AGTPBP1: variants seen among roughly 807,000 people sequenced by gnomAD.
AGTPBP1 encodes the protein cytosolic carboxypeptidase 1.
A neutral mutation model predicts 143.9 loss-of-function variants in AGTPBP1; 70 were observed. That is an observed-to-expected ratio of 0.49 (90% CI 0.40 to 0.59). AGTPBP1 has a LOEUF of 0.59. Ranked by LOEUF, AGTPBP1 falls within the 20% of genes least tolerant of loss-of-function variation. The pLI is 0.00. For missense variants in AGTPBP1, 1,229 were observed against 1,464.5 expected, an observed-to-expected ratio of 0.84 and a Z score of 2.62; for synonymous variants, 463 against 500.2, an observed-to-expected ratio of 0.93 and a Z score of 0.99.
chr9:85,684,866 A>G (rs1013572089), intron 3 of AGTPBP1, among the ~76,000 whole-genome samples: 15 of 152,082 alleles, frequency 9.9e-5, no homozygotes, highest in Non-Finnish European at 1.8e-4. Flanking sequence ...TAAAGCAGCT[A>G]TTATAATAAA....
chr9:85,643,102 CTTA>C, intron 12 of AGTPBP1, 159 bp from the exon 13 acceptor site: 2 of 595,668 alleles, frequency 3.4e-6, no homozygotes, highest in Non-Finnish European at 5.7e-6. Context: ...TTCAAATTTG[CTTA>C]TTGTTTTGGG....
chr9:85,561,727 G>C (rs1052602079), intron 25 of AGTPBP1, among the ~76,000 whole-genome samples: 1 of 151,906 alleles, frequency 6.6e-6, no homozygotes, highest in Admixed American at 6.6e-5. Context: ...AATACTCATA[G>C]TATCTGAAAG....
At chr9:85,584,906 A>G (rs1356855276) in intron 23 of AGTPBP1, among the ~76,000 whole-genome samples, 1 of 152,234 alleles carries the variant, frequency 6.6e-6, no homozygotes. Context: ...ACATATTATT[A>G]TAATAATTCT....
Position 85,658,915 on chromosome 9 carries a change from T to A in AGTPBP1, c.701-1272A>T, listed in dbSNP as rs2133963382. On this transcript the variant is annotated intron_variant, in intron 9 of 25. Transcript: ENST00000357081. ...TCCATTGTTTTGACCAAGAAAAGCTTCATACATTTTAAATGAATATACACT... is the reference window on the plus strand; with the variant it reads ...TCCATTGTTTTGACCAAGAAAAGCTACATACATTTTAAATGAATATACACT... Among the ~76,000 whole-genome samples the A allele has an allele frequency of 4.6e-5, 7 of 152,256 alleles. 1 individual carries two copies. The Middle Eastern group carries it at 0.024, about 518-fold the overall frequency.
the AGTPBP1 span, among the ~76,000 whole-genome samples, chr9:85,789,129 G>T: frequency 6.6e-6 from 1 of 152,002 alleles, no homozygotes; most frequent in Non-Finnish European, 1.5e-5. Context: ...AATAACAAAG[G>T]TATGGTGTTT....
At chr9:85,585,430 T>C in intron 23 of AGTPBP1, 33 bp downstream of exon 23, 2 of 1,515,228 alleles carry the variant, frequency 1.3e-6, no homozygotes, top group Non-Finnish European at 1.8e-6. Context: ...ATGTTTGAAA[T>C]TCAAAAACTT....
At chr9:85,612,538 G>A (rs986938684) in intron 17 of AGTPBP1, among the ~76,000 whole-genome samples, 10 of 152,110 alleles carry the variant, frequency 6.6e-5, no homozygotes, top group Non-Finnish European at 1.3e-4. Context: ...ACTGTGAATC[G>A]TAATTCAGTG....
chr9:85,637,872 T>G (rs1164672269), intron 13 of AGTPBP1, among the ~76,000 whole-genome samples: 1 of 152,166 alleles, frequency 6.6e-6, no homozygotes, highest in Non-Finnish European at 1.5e-5. Flanking sequence ...AAAGACACTT[T>G]CGGGGAGGGA....
intron 2 of AGTPBP1, among the ~76,000 whole-genome samples, chr9:85,694,358 C>G (rs1257391280): frequency 6.6e-6 from 1 of 152,038 alleles, no homozygotes; most frequent in Non-Finnish European, 1.5e-5. Context: ...GATCTAGGAG[C>G]TCCTACCAGC....
intron 25 of AGTPBP1, among the ~76,000 whole-genome samples, chr9:85,555,903 GACTA>G (rs1390443157): frequency 5.3e-5 from 8 of 152,274 alleles, no homozygotes; most frequent in African/African-American, 1.4e-4. Context: ...AAGTGAATGT[GACTA>G]ACTAAAACAT....
the AGTPBP1 span, among the ~76,000 whole-genome samples, chr9:85,790,537 T>C: frequency 6.6e-6 from 1 of 152,156 alleles, no homozygotes; most frequent in Non-Finnish European, 1.5e-5. Flanking sequence ...TGGAGGTAAT[T>C]AGAACAAAGG....
At chr9:85,680,505 A>T (rs941735814) in intron 4 of AGTPBP1, among the ~76,000 whole-genome samples, 1 of 151,558 alleles carries the variant, frequency 6.6e-6, no homozygotes, top group Non-Finnish European at 1.5e-5. Context: ...AATCACTCAA[A>T]CCTGGGAGAT....
chr9:85,602,863 C>T (rs1829754847), intron 17 of AGTPBP1, among the ~76,000 whole-genome samples: 1 of 152,172 alleles, frequency 6.6e-6, no homozygotes, highest in South Asian at 2.1e-4. Flanking sequence ...AGAGAACATG[C>T]AGTGACTGTG....
the AGTPBP1 span, among the ~76,000 whole-genome samples, chr9:85,789,668 T>C: frequency 2.1e-4 from 32 of 152,280 alleles, no homozygotes; most frequent in African/African-American, 7.7e-4. Flanking sequence ...ATTCTTCGTA[T>C]CTTCATGAAC....
At chr9:85,789,081 C>CAAT in the AGTPBP1 span, among the ~76,000 whole-genome samples, 1 of 150,510 alleles carries the variant, frequency 6.6e-6, no homozygotes, top group Non-Finnish European at 1.5e-5. Flanking sequence ...ATCAAAACAA[C>CAAT]GATTAGGTTT....
At chr9:85,707,106 C>T (rs1290456933) in intron 2 of AGTPBP1, among the ~76,000 whole-genome samples, 1 of 151,904 alleles carries the variant, frequency 6.6e-6, no homozygotes, top group East Asian at 1.9e-4. Flanking sequence ...TTTAGAAACC[C>T]CTCAAATATT....
intron 17 of AGTPBP1, among the ~76,000 whole-genome samples, chr9:85,603,823 AG>A (rs1829823093): frequency 6.6e-6 from 1 of 152,100 alleles, no homozygotes. Context: ...TTGTGCTTTG[AG>A]GGAACATCGG....
At chr9:85,726,428 T>C (rs984097262) in intron 1 of AGTPBP1, among the ~76,000 whole-genome samples, 2 of 152,232 alleles carry the variant, frequency 1.3e-5, no homozygotes, top group Non-Finnish European at 1.5e-5. Context: ...CATTAACATC[T>C]GTGTTTTACA....
At chr9:85,562,186 AAATCTAAAATC>A (rs1826782004) in intron 25 of AGTPBP1, among the ~76,000 whole-genome samples, 2 of 152,052 alleles carry the variant, frequency 1.3e-5, no homozygotes. Context: ...AAACCAATAT[AAATCTAAAATC>A]AATCTAAAAT....
Sources: gnomAD v4.1 joint callset for allele counts (sites outside exome capture counted in the v4.1 genomes callset) on GRCh38, gnomAD v4.1.1 for gene constraint, MANE v1.5 for transcripts, NCBI Gene and HGNC (gene_info 2026-07-23, HGNC 2026-07-21) for gene names.